Variants in NEMP2 observed in about 807,000 individuals in gnomAD.
NEMP2 encodes the protein nuclear envelope integral membrane protein 2.
In NEMP2, 53 loss-of-function variants were observed where a neutral mutation model predicts 54.2. That is an observed-to-expected ratio of 0.98 (90% CI 0.78 to 1.23). The LOEUF (loss-of-function observed/expected upper bound fraction) is 1.23, where lower values mean the gene tolerates loss of function less well. Ranked by LOEUF, NEMP2 falls within the 50% of genes most tolerant of loss-of-function variation. The pLI, the probability that NEMP2 is intolerant of heterozygous loss-of-function variation, is 0.00. For synonymous variants in NEMP2, 197 were observed against 190.3 expected, an observed-to-expected ratio of 1.04 and a Z score of -0.29; for missense variants, 455 against 511.3, an observed-to-expected ratio of 0.89 and a Z score of 1.06.
chr2:190,471,223 G>T, the NEMP2 span, among the ~76,000 whole-genome samples: 2 of 152,190 alleles, frequency 1.3e-5, no homozygotes, highest in South Asian at 4.1e-4. The surrounding 1 kb of genome is among the most constrained non-coding windows in gnomAD (Gnocchi z 4.7). Flanking sequence ...CATCTCACTG[G>T]GGATTGTCAG....
At position 190,509,120 on chromosome 2, in the gene NEMP2, A is replaced by G; in HGVS notation, c.*69T>C. The G allele has an allele frequency of 1.3e-6, 2 of 1,536,324 alleles. No homozygotes were observed. The highest frequency in any genetic ancestry group is 2.1e-5 in the Admixed American group (1 of 48,694). On this transcript the variant is annotated 3_prime_UTR_variant, in exon 9 of 9. Transcript: ENST00000409150. The surrounding 1 kb of genome is among the most constrained non-coding windows in gnomAD (Gnocchi z 6.1). ...ACCGTTCACTAGAACAGTTCTGCCTAACTTTAATAGAATCCCTGCCCTTTG... is the reference window on the plus strand; with the variant it reads ...ACCGTTCACTAGAACAGTTCTGCCTGACTTTAATAGAATCCCTGCCCTTTG...
At chr2:190,598,126 TC>T in the NEMP2 span, among the ~76,000 whole-genome samples, 494 of 152,154 alleles carry the variant, frequency 3.2e-3, 1 homozygote, top group African/African-American at 0.011. Context: ...CTTCCCTCTC[TC>T]CCTACCGACA....
At chr2:190,469,846 G>A in the NEMP2 span, 1 of 1,597,370 alleles carries the variant, frequency 6.3e-7, no homozygotes, top group Non-Finnish European at 8.6e-7. The surrounding 1 kb of genome is among the most constrained non-coding windows in gnomAD (Gnocchi z 5.3). Flanking sequence ...CCCCATGGAA[G>A]TTCTTCAAGG....
the NEMP2 span, chr2:190,477,451 TAAA>T: frequency 7.6e-6 from 6 of 788,106 alleles, no homozygotes; most frequent in East Asian, 3.8e-4. Flanking sequence ...CCTTTTAGTT[TAAA>T]ATGAGTTAGG....
chr2:190,518,731 C>G lies in NEMP2; in HGVS notation c.518+5G>C, dbSNP rs1395962610. The G allele has an allele frequency of 6.6e-7, 1 of 1,526,270 alleles. No individual in the cohort carries two copies. The highest frequency in any genetic ancestry group is 8.8e-7 in the Non-Finnish European group (1 of 1,138,904). 94.5% of individuals were successfully genotyped at this position (1,526,270 alleles called of 1,614,324 possible). Reference sequence around the variant, plus strand: ...AAAGTTAAAAATATAAAAAGGAATACTTACTGACTCAGGGTCCTTGCATAA... The same window carrying G: ...AAAGTTAAAAATATAAAAAGGAATAGTTACTGACTCAGGGTCCTTGCATAA... On this transcript the variant is annotated splice_donor_5th_base_variant and intron_variant, in intron 4 of 8. Transcript: ENST00000409150.
At chr2:190,489,392 A>G in the NEMP2 span, among the ~76,000 whole-genome samples, 3 of 152,220 alleles carry the variant, frequency 2.0e-5, no homozygotes, top group Non-Finnish European at 4.4e-5. The surrounding 1 kb of genome is among the most constrained non-coding windows in gnomAD (Gnocchi z 6.6). Flanking sequence ...GCGTGCATTT[A>G]TAGCACTATT....
At chr2:190,579,446 A>G in the NEMP2 span, among the ~76,000 whole-genome samples, 1 of 152,114 alleles carries the variant, frequency 6.6e-6, no homozygotes, top group East Asian at 1.9e-4. Context: ...GGGGAATTCC[A>G]GCAGCAAATA....
At chr2:190,453,964 AT>A in the NEMP2 span, 1 of 152,218 alleles carries the variant, frequency 6.6e-6, no homozygotes, top group Admixed American at 6.5e-5. Flanking sequence ...ACTGGAATAT[AT>A]TTCACAGAGA....
the NEMP2 span, among the ~76,000 whole-genome samples, chr2:190,583,996 G>C: frequency 6.6e-6 from 1 of 152,206 alleles, no homozygotes; most frequent in African/African-American, 2.4e-5. Flanking sequence ...ATTGAGGACT[G>C]AGAGTGGGTT....
At chr2:190,620,203 G>A in the NEMP2 span, 17 of 152,134 alleles carry the variant, frequency 1.1e-4, no homozygotes, top group African/African-American at 4.1e-4. This position sits in a 1 kb window ranked among gnomAD's most constrained non-coding sequence, Gnocchi z 4.9. Flanking sequence ...ACTTCCTGCT[G>A]TCTATTTTAT....
chr2:190,468,619 A>ATT, the NEMP2 span, among the ~76,000 whole-genome samples: 52 of 128,020 alleles, frequency 4.1e-4, no homozygotes, highest in South Asian at 8.7e-3. Context: ...AGCCTGGCTA[A>ATT]TTTTTTTTTT....
chr2:190,522,231 T>C lies in NEMP2; in HGVS notation c.213+3032A>G, dbSNP rs936127772. 6.6e-6 allele frequency among the ~76,000 whole-genome samples: 1 copy of C among 151,944 alleles called. No individual in the cohort carries two copies. The highest frequency in any genetic ancestry group is 1.5e-5 in the Non-Finnish European group (1 of 67,994). ...GACAACTGGGGACTTCAGAAGGTGGTTGGGAGAGGGGCAAGGGTTGAAAAT... is the reference window on the plus strand; with the variant it reads ...GACAACTGGGGACTTCAGAAGGTGGCTGGGAGAGGGGCAAGGGTTGAAAAT... On this transcript the variant is annotated intron_variant, in intron 2 of 8. Coordinates refer to ENST00000409150, the MANE Select transcript of NEMP2 (RefSeq NM_001142645.2). The surrounding 1 kb of genome is among the most constrained non-coding windows in gnomAD (Gnocchi z 5.0).
the NEMP2 span, among the ~76,000 whole-genome samples, chr2:190,572,833 G>GTATATATATATATA: frequency 5.9e-4 from 28 of 47,834 alleles, no homozygotes; most frequent in African/African-American, 9.5e-4. Context: ...CTTTTCATGA[G>GTATATATATATATA]TATATATATA....
intron 6 of NEMP2, among the ~76,000 whole-genome samples, chr2:190,515,097 T>C (rs1404711594): frequency 6.6e-6 from 1 of 152,180 alleles, no homozygotes; most frequent in African/African-American, 2.4e-5. Flanking sequence ...GAATCCAATG[T>C]TCAGTCTCAT....
chr2:190,424,012 T>G, the NEMP2 span, among the ~76,000 whole-genome samples: 2 of 152,230 alleles, frequency 1.3e-5, no homozygotes, highest in African/African-American at 4.8e-5. This position sits in a 1 kb window ranked among gnomAD's most constrained non-coding sequence, Gnocchi z 5.9. Context: ...GTTTGGAGAA[T>G]TCTTTACATA....
At chr2:190,496,666 GTA>G in the NEMP2 span, among the ~76,000 whole-genome samples, 4 of 151,742 alleles carry the variant, frequency 2.6e-5, no homozygotes, top group Non-Finnish European at 5.9e-5. This position sits in a 1 kb window ranked among gnomAD's most constrained non-coding sequence, Gnocchi z 4.7. Flanking sequence ...ATATGTGTGT[GTA>G]TGTGTGTGTG....
In NEMP2 at chr2:190,519,298, T is replaced by C; in HGVS notation, c.214-115A>G. ...GTGCAGTGGCAGGATCTCTGCTCAC[T>C]GCAACCTGTGCCTCCAGGGCTCAGG... On this transcript the variant is annotated intron_variant, in intron 2 of 8. Transcript: ENST00000409150. This position sits in a 1 kb window ranked among gnomAD's most constrained non-coding sequence, Gnocchi z 5.4. 3 of 709,428 alleles carry C rather than the reference T, an allele frequency of 4.2e-6. No individual in the cohort carries two copies. Among genetic ancestry groups the C allele is most frequent in the Non-Finnish European group, 4.6e-6 (2 of 432,466 alleles). The allele number at this position is 709,428 out of a possible 1,614,324, so 43.9% of individuals were successfully genotyped here.
At chr2:190,606,915 A>G in the NEMP2 span, among the ~76,000 whole-genome samples, 1 of 152,178 alleles carries the variant, frequency 6.6e-6, no homozygotes, top group East Asian at 1.9e-4. Flanking sequence ...TCTTATTCAA[A>G]TAAGACCTAC....
At chr2:190,644,683 G>C in the NEMP2 span, among the ~76,000 whole-genome samples, 2 of 152,058 alleles carry the variant, frequency 1.3e-5, no homozygotes, top group Non-Finnish European at 2.9e-5. This position sits in a 1 kb window ranked among gnomAD's most constrained non-coding sequence, Gnocchi z 4.4. Context: ...TTACAAGTGG[G>C]AGCTAAATGA....
Sources: allele counts gnomAD v4.1 joint callset (sites outside exome capture counted in the v4.1 genomes callset), GRCh38; gene constraint gnomAD v4.1.1; non-coding constraint Gnocchi (gnomAD v3.1); transcripts MANE v1.5; gene names NCBI Gene and HGNC (gene_info 2026-07-23, HGNC 2026-07-21).